MED23: variants seen among roughly 807,000 people sequenced by gnomAD.
MED23 encodes the protein mediator of RNA polymerase II transcription subunit 23.
A neutral mutation model predicts 163.9 loss-of-function variants in MED23; 105 were observed. That is an observed-to-expected ratio of 0.64 (90% confidence interval 0.55 to 0.75). The LOEUF (loss-of-function observed/expected upper bound fraction) is 0.75. MED23 is among the 30% of genes least tolerant of loss of function. MED23 has a pLI of 0.00. For synonymous variants in MED23, 561 were observed against 565.6 expected (o/e 0.99, Z 0.12); for missense variants, 1,054 against 1,649.0 (o/e 0.64, Z 6.25).
chr6:131,603,334 T>G, intron 15 of MED23, 130 bp from the exon 16 acceptor site: 1 of 850,740 alleles, frequency 1.2e-6, no homozygotes, highest in East Asian at 2.7e-5. Context: ...CACATATATA[T>G]TCTCCATATT....
At chr6:131,624,683 A>T (rs1777353662) in intron 4 of MED23, among the ~76,000 whole-genome samples, 182 bp downstream of exon 4, 1 of 152,220 alleles carries the variant, frequency 6.6e-6, no homozygotes, top group East Asian at 1.9e-4. Flanking sequence ...GCCCACAAGC[A>T]TTACCTAATT....
chr6:131,596,190 G>T, intron 21 of MED23, 27 bp from the exon 22 acceptor site: 2 of 1,591,882 alleles, frequency 1.3e-6, no homozygotes, highest in African/African-American at 1.3e-5. Context: ...ATGATAAATG[G>T]TTAGAGCATT....
chr6:131,589,946 C>T (rs1447178313), intron 27 of MED23, among the ~76,000 whole-genome samples: 1 of 152,144 alleles, frequency 6.6e-6, no homozygotes. Context: ...TTCTTAGTTC[C>T]ATTTGGTAGC....
At chr6:131,574,323 G>T (rs1186886443) in intron 30 of MED23, 3 of 1,613,702 alleles carry the variant, frequency 1.9e-6, no homozygotes, top group Non-Finnish European at 2.5e-6. Context: ...AGAGGCCAGA[G>T]GTTAGAGGCC....
At chr6:131,588,520 A>G (rs896530663) in intron 28 of MED23, among the ~76,000 whole-genome samples, 2 of 152,210 alleles carry the variant, frequency 1.3e-5, no homozygotes, top group Admixed American at 1.3e-4. Context: ...ACAAACAAAT[A>G]AACAATTTCT....
intron 10 of MED23, among the ~76,000 whole-genome samples, chr6:131,614,786 C>A (rs1304273282): frequency 6.6e-6 from 1 of 152,124 alleles, no homozygotes; most frequent in Non-Finnish European, 1.5e-5. Context: ...TTAAAAGCAG[C>A]ATATCTCTAT....
chr6:131,603,244 G>C, intron 15 of MED23, 40 bp from the exon 16 acceptor site: 1 of 1,588,304 alleles, frequency 6.3e-7, no homozygotes, highest in Non-Finnish European at 8.6e-7. Context: ...ATTATTAAAG[G>C]CTATGCATGA....
At chr6:131,582,977 C>G, downstream of MED23, 1 of 958,928 alleles carries the variant, frequency 1.0e-6, no homozygotes, top group Non-Finnish European at 1.6e-6. Context: ...ATATATTTTA[C>G]TATATTTATA....
intron 10 of MED23, among the ~76,000 whole-genome samples, chr6:131,611,808 C>A (rs1776296109): frequency 6.6e-6 from 1 of 152,112 alleles, no homozygotes; most frequent in South Asian, 2.1e-4. Flanking sequence ...ATTTCTCCAT[C>A]CATAATGGTC....
At chr6:131,605,629 G>A in intron 13 of MED23, 144 bp from the exon 14 acceptor site, 1 of 796,886 alleles carries the variant, frequency 1.3e-6, no homozygotes, top group South Asian at 2.1e-5. Context: ...TGTGTGAAAT[G>A]TACAGTGGGA....
chr6:131,602,948 G>T, intron 16 of MED23, 82 bp downstream of exon 16: 1 of 1,383,938 alleles, frequency 7.2e-7, no homozygotes, highest in Admixed American at 1.8e-5. Context: ...AAAACTATAA[G>T]GTAAAGGTAA....
chr6:131,604,073 T>G (rs1490307211), intron 15 of MED23, 105 bp downstream of exon 15: 3 of 1,114,228 alleles, frequency 2.7e-6, no homozygotes, highest in Non-Finnish European at 4.1e-6. Context: ...ATAAGCTCCA[T>G]CATGGTGGTG....
chr6:131,611,953 G>T (rs1243707420), intron 10 of MED23, among the ~76,000 whole-genome samples: 1 of 151,988 alleles, frequency 6.6e-6, no homozygotes, highest in Non-Finnish European at 1.5e-5. Context: ...ATATTTTTAG[G>T]CATGTAGTGA....
rs1775688068 is a variant in MED23 at position 131,604,162 on chromosome 6, G to C, written c.1756+16C>G. ...AATGGGTTAATAGTTATAAACACCA[G>C]AAAGTCCTGTCTTACTGATAAATCC... On this transcript the variant is annotated intron_variant, in intron 15 of 28. Transcript: ENST00000368068. The C allele has an allele frequency of 6.2e-7, 1 of 1,602,852 alleles. No homozygotes were observed. Among genetic ancestry groups the C allele is most frequent in the African/African-American group, 1.3e-5 (1 of 74,604 alleles).
intron 16 of MED23, among the ~76,000 whole-genome samples, 154 bp downstream of exon 16, chr6:131,602,876 A>G (rs991326670): frequency 6.6e-6 from 1 of 152,052 alleles, no homozygotes; most frequent in Non-Finnish European, 1.5e-5. Flanking sequence ...CTGCTCCTAT[A>G]CTGGAAACAA....
In MED23 at chr6:131,598,138, T is replaced by G; in HGVS notation, c.2607+149A>C. Reference sequence around the variant, plus strand: ...ACAAACAAAAACAGAAATTGGAAAATTTCCGGCTCTTTAGGGAAGTGACAG... The same window carrying G: ...ACAAACAAAAACAGAAATTGGAAAAGTTCCGGCTCTTTAGGGAAGTGACAG... On this transcript the variant is annotated intron_variant, in intron 20 of 28. Coordinates refer to ENST00000368068, the MANE Select transcript of MED23 (RefSeq NM_004830.4). The surrounding 1 kb of genome is among the most constrained non-coding windows in gnomAD (Gnocchi z 4.7). 2 of 831,852 alleles carry G rather than the reference T, an allele frequency of 2.4e-6. No homozygotes were observed. Among genetic ancestry groups the G allele is most frequent in the Non-Finnish European group, 3.8e-6 (2 of 530,560 alleles). The allele number at this position is 831,852 out of a possible 1,614,324, so 51.5% of individuals were successfully genotyped here. A position where few individuals can be genotyped will look rare whatever the true frequency, so the allele number is the denominator to read the frequency against.
intron 1 of MED23, 24 bp from the exon 2 acceptor site, chr6:131,627,696 T>C: frequency 1.4e-6 from 2 of 1,465,178 alleles, no homozygotes; most frequent in Non-Finnish European, 9.3e-7. Flanking sequence ...AAAAACAAAA[T>C]GTAAACAATG....
chr6:131,608,128 G>A, intron 11 of MED23, 57 bp from the exon 12 acceptor site: 1 of 1,583,902 alleles, frequency 6.3e-7, no homozygotes, highest in Non-Finnish European at 8.6e-7. Flanking sequence ...GATGAATACA[G>A]GAAGTTTTTG....
At chr6:131,597,213 A>G (rs534156780) in intron 20 of MED23, among the ~76,000 whole-genome samples, 28 of 152,224 alleles carry the variant, frequency 1.8e-4, no homozygotes, top group East Asian at 1.2e-3. Flanking sequence ...GCGGTGGCTC[A>G]CACTTGTAAT....
Sources: allele counts gnomAD v4.1 joint callset (sites outside exome capture counted in the v4.1 genomes callset), GRCh38; gene constraint gnomAD v4.1.1; non-coding constraint Gnocchi (gnomAD v3.1); transcripts MANE v1.5; gene names NCBI Gene and HGNC (gene_info 2026-07-23, HGNC 2026-07-21).